Variants in VAT1L observed in about 807,000 individuals in gnomAD.
The protein encoded by VAT1L is vesicle amine transport 1 like.
A neutral mutation model predicts 44.1 loss-of-function variants in VAT1L; 34 were observed. The observed-to-expected ratio is 0.77, with a 90% CI of 0.59 to 1.03. VAT1L has a LOEUF of 1.03. Among genes scored for constraint, VAT1L ranks in the 50% least tolerant of loss-of-function variants. The pLI is 0.00. For synonymous variants in VAT1L, 253 were observed against 202.2 expected (o/e 1.25, Z -2.13); for missense variants, 615 against 538.8 (o/e 1.14, Z -1.40).
rs140391941 is a variant in VAT1L, at chr16:77,808,657, G to A, written c.234-8264G>A. Among the ~76,000 whole-genome samples, 227 of 152,004 alleles carry A rather than the reference G, an allele frequency of 1.5e-3. 1 individual carries two copies. Among genetic ancestry groups the A allele is most frequent in the African/African-American group, 5.4e-3 (222 of 41,462 alleles). Reference sequence around the variant, plus strand: ...GTTGCCCAGGCTGGAGTGCAATGGCGCAATCTTAGCACACCACAACCTCCA... The same window carrying A: ...GTTGCCCAGGCTGGAGTGCAATGGCACAATCTTAGCACACCACAACCTCCA... On this transcript the variant is annotated intron_variant, in intron 1 of 8. Transcript: ENST00000302536.
chr16:77,945,894 C>A (rs1442576848), intron 7 of VAT1L, among the ~76,000 whole-genome samples: 1 of 151,442 alleles, frequency 6.6e-6, no homozygotes, highest in Non-Finnish European at 1.5e-5. Context: ...CCTCTGCTTC[C>A]CGGTTCAAGT....
chr16:77,971,843 C>T lies in VAT1L; in HGVS notation c.1078-7C>T, dbSNP rs1161533077. ...CCAGCACCTCTGTTTCTCACCTTTT[C>T]GCGCAGGTGAAGGAGGCCATGCAGC... is the stretch of plus-strand genomic sequence containing the variant. On this transcript the variant is annotated splice_polypyrimidine_tract_variant and splice_region_variant and intron_variant, in intron 7 of 8. Coordinates refer to ENST00000302536, the MANE Select transcript of VAT1L (RefSeq NM_020927.3). 3.1e-6 allele frequency: 5 copies of T among 1,611,632 alleles called. No homozygotes were observed. The highest frequency in any genetic ancestry group is 1.1e-5 in the South Asian group (1 of 90,742).
intron 1 of VAT1L, among the ~76,000 whole-genome samples, chr16:77,805,826 G>A (rs939872937): frequency 3.8e-5 from 5 of 132,890 alleles, no homozygotes; most frequent in South Asian, 2.6e-4. Context: ...GTATTTATCT[G>A]CTTGTTACTT....
chr16:77,852,351 G>A (rs11645152), intron 3 of VAT1L, among the ~76,000 whole-genome samples: 9,080 of 152,268 alleles, frequency 0.06, 355 homozygotes, highest in African/African-American at 0.1. Context: ...GCTGTGCTCC[G>A]TGAGGACGGG....
intron 7 of VAT1L, among the ~76,000 whole-genome samples, chr16:77,966,781 T>C (rs1276774008): frequency 6.6e-6 from 1 of 152,096 alleles, no homozygotes; most frequent in Non-Finnish European, 1.5e-5. Context: ...CTGGTGTGAA[T>C]TTTACACTGA....
intron 7 of VAT1L, among the ~76,000 whole-genome samples, chr16:77,958,833 C>T (rs554789882): frequency 2.0e-5 from 3 of 152,302 alleles, no homozygotes; most frequent in East Asian, 3.9e-4. Flanking sequence ...CTTCGAAGAA[C>T]ATTCTGTCTC....
chr16:77,905,970 C>A (rs1417161741), intron 7 of VAT1L, among the ~76,000 whole-genome samples: 2 of 152,156 alleles, frequency 1.3e-5, no homozygotes, highest in African/African-American at 4.8e-5. Flanking sequence ...TTTACTCAAA[C>A]CTTCTTTGAT....
chr16:77,852,943 G>C (rs780583280), intron 3 of VAT1L, among the ~76,000 whole-genome samples: 4 of 152,182 alleles, frequency 2.6e-5, no homozygotes, highest in African/African-American at 4.8e-5. Flanking sequence ...AGGATCGAAT[G>C]AGCTATTATT....
At position 77,865,098 on chromosome 16, in the gene VAT1L, C is replaced by T. The variant is rs551360361; in HGVS notation, c.722+2208C>T. ...ACGCCATTCTCCTGCCTCAGCCTCC[C>T]GAGTAGCTGGGACTACAGGCACCCA... is the stretch of plus-strand genomic sequence containing the variant. On this transcript the variant is annotated intron_variant, in intron 4 of 8. Transcript: ENST00000302536. Among the ~76,000 whole-genome samples, 11 of 151,794 alleles carry T rather than the reference C, an allele frequency of 7.2e-5. No individual in the cohort carries two copies. In the South Asian group the frequency reaches 1.3e-3, roughly 17 times the overall value.
chr16:77,971,922 C>A lies in VAT1L; in HGVS notation c.1150C>A (p.Pro384Thr). 6.2e-7 allele frequency: 1 copy of A among 1,613,764 alleles called. No individual in the cohort carries two copies. The highest frequency in any genetic ancestry group is 8.5e-7 in the Non-Finnish European group (1 of 1,179,810). ...GKLILDVEKT[P>T]TPLMANDSTE... ...GTTAATTCTGGATGTAGAAAAGACC[C>A]CAACTCCACTGGTGAGTGAAAAGCA... The change falls in exon 8 of 9, where the codon CCA becomes ACA. Residue 384 changes from proline to threonine, a missense_variant. Pro to Thr is a conservative substitution (Grantham distance 38). Coordinates refer to ENST00000302536, the MANE Select transcript of VAT1L (RefSeq NM_020927.3).
chr16:77,970,463 T>G (rs12325356), intron 7 of VAT1L, among the ~76,000 whole-genome samples: 35,157 of 152,160 alleles, frequency 0.23, 4,552 homozygotes, highest in South Asian at 0.32. Context: ...TAAATATGCA[T>G]GTCAGTTCTC....
chr16:77,814,943 G>A (rs949916975), intron 1 of VAT1L, among the ~76,000 whole-genome samples: 12 of 152,250 alleles, frequency 7.9e-5, no homozygotes, highest in Middle Eastern at 3.4e-3. Flanking sequence ...GACTATGTAC[G>A]TGGCACCACA....
At chr16:77,871,746 TA>T (rs1172688153) in intron 4 of VAT1L, among the ~76,000 whole-genome samples, 1 of 152,072 alleles carries the variant, frequency 6.6e-6, no homozygotes, top group Non-Finnish European at 1.5e-5. Flanking sequence ...TCTCAATGAT[TA>T]AAAACTTACG....
At chr16:77,949,987 C>T (rs921252070) in intron 7 of VAT1L, among the ~76,000 whole-genome samples, 1 of 152,184 alleles carries the variant, frequency 6.6e-6, no homozygotes, top group Non-Finnish European at 1.5e-5. Flanking sequence ...TTAAGTTTTC[C>T]CTCAGCCATG....
rs1196405693 is a variant in VAT1L at position 77,788,730 on chromosome 16, C to G, written c.48C>G (p.Ile16Met). The part of the protein sequence containing the change: ...VEKAEETEQM[I>M]EKEAGKEPAE... ...AGGCGGAGGAGACGGAGCAAATGAT[C>G]GAGAAGGAGGCAGGCAAGGAGCCGG... Residue 16 changes from isoleucine to methionine, a missense_variant, in exon 1 of 9, where the codon ATC becomes ATG. Ile to Met is a conservative substitution (Grantham distance 10). Coordinates refer to ENST00000302536, the MANE Select transcript of VAT1L (RefSeq NM_020927.3). 8.3e-6 allele frequency: 13 copies of G among 1,558,416 alleles called. No individual in the cohort carries two copies. In the East Asian group the frequency reaches 3.1e-4, roughly 37 times the overall value.
At chr16:77,893,582 C>T (rs1009247201) in intron 7 of VAT1L, among the ~76,000 whole-genome samples, 2 of 152,244 alleles carry the variant, frequency 1.3e-5, no homozygotes, top group African/African-American at 2.4e-5. Flanking sequence ...ACGACTGCTA[C>T]TACTATTACT....
rs1259959483 is a variant in VAT1L, at chr16:77,788,594, G to A, written c.-89G>A. The A allele has an allele frequency of 3.4e-6, 5 of 1,449,996 alleles. No homozygotes were observed. Among genetic ancestry groups the A allele is most frequent in the East Asian group, 2.5e-5 (1 of 40,086 alleles). 89.8% of individuals were successfully genotyped at this position (1,449,996 alleles called of 1,614,324 possible). A position where few individuals can be genotyped will look rare whatever the true frequency, so the allele number is the denominator to read the frequency against. The stretch of plus-strand genomic sequence containing the variant: ...ACAGCCGAGCATCCCACATTCAACA[G>A]GAGGAACCCGCGGGAGAGGAGCCCC... On this transcript the variant is annotated 5_prime_UTR_variant, in exon 1 of 9. Coordinates refer to ENST00000302536, the MANE Select transcript of VAT1L (RefSeq NM_020927.3).
intron 1 of VAT1L, among the ~76,000 whole-genome samples, chr16:77,806,191 C>G (rs2016155749): frequency 1.4e-5 from 2 of 148,006 alleles, no homozygotes. Context: ...TCCTCGATCT[C>G]TTTCTTTTTC....
chr16:77,920,977 C>A (rs8057349), intron 7 of VAT1L, among the ~76,000 whole-genome samples: 1 of 150,394 alleles, frequency 6.6e-6, no homozygotes, highest in African/African-American at 2.4e-5. Flanking sequence ...TACACACACA[C>A]ACATACATAC....
Sources: allele counts gnomAD v4.1 joint callset (sites outside exome capture counted in the v4.1 genomes callset), GRCh38; gene constraint gnomAD v4.1.1; transcripts MANE v1.5; gene names NCBI Gene and HGNC (gene_info 2026-07-23, HGNC 2026-07-21).